The following CA12 variants were observed in gnomAD, a reference collection of about 807,000 sequenced individuals.
The protein encoded by CA12 is carbonate dehydratase XII.
CA12 carries 36 observed loss-of-function variants against 46.8 expected under a neutral mutation model. The ratio of observed to expected loss-of-function variants is 0.77; its 90% CI spans 0.59 to 1.02. The LOEUF (loss-of-function observed/expected upper bound fraction) is 1.02. Among genes scored for constraint, CA12 ranks in the 50% least tolerant of loss-of-function variants. CA12 has a pLI of 0.00. For missense variants in CA12, 436 were observed against 451.4 expected (o/e 0.97, Z 0.31); for synonymous variants, 202 against 187.0 (o/e 1.08, Z -0.65).
At chr15:63,367,259 G>A (rs1162273696) in intron 2 of CA12, among the ~76,000 whole-genome samples, 1 of 152,192 alleles carries the variant, frequency 6.6e-6, no homozygotes, top group Non-Finnish European at 1.5e-5. Flanking sequence ...TAGAAGAATA[G>A]ACATTTGCTC....
chr15:63,347,972 A>C (rs1356714833), intron 2 of CA12, among the ~76,000 whole-genome samples: 1 of 152,196 alleles, frequency 6.6e-6, no homozygotes, highest in Non-Finnish European at 1.5e-5. Context: ...TATTGGCCCC[A>C]CAGAATCCCA....
In CA12 at chr15:63,321,675, G is replaced by C. The variant is rs1208747363; in HGVS notation, c.*4610C>G. 6.6e-6 allele frequency: 1 copy of C among 152,260 alleles called. No homozygotes were observed. The highest frequency in any genetic ancestry group is 1.5e-5 in the Non-Finnish European group (1 of 68,068). The allele number at this position is 152,260 out of a possible 1,614,324, so 9.4% of individuals were successfully genotyped here. A position where few individuals can be genotyped will look rare whatever the true frequency, so the allele number is the denominator to read the frequency against. On this transcript the variant is annotated 3_prime_UTR_variant, in exon 11 of 11. Transcript: ENST00000178638. The surrounding 1 kb of genome is among the most constrained non-coding windows in gnomAD (Gnocchi z 4.5). Reference sequence around the variant, plus strand: ...CGGAAGCGAGGCTGCAACTGCTCCAGATACCCAGCAGGAAGGCCACGTGAC... The same window carrying C: ...CGGAAGCGAGGCTGCAACTGCTCCACATACCCAGCAGGAAGGCCACGTGAC...
At chr15:63,352,452 C>T (rs1009760800) in intron 2 of CA12, among the ~76,000 whole-genome samples, 1 of 152,186 alleles carries the variant, frequency 6.6e-6, no homozygotes, top group Non-Finnish European at 1.5e-5. Flanking sequence ...GAAAGAGGGG[C>T]TCACTGATGA....
At chr15:63,362,349 A>C (rs2039374043) in intron 2 of CA12, among the ~76,000 whole-genome samples, 1 of 152,226 alleles carries the variant, frequency 6.6e-6, no homozygotes, top group Admixed American at 6.5e-5. Context: ...AATATGACCA[A>C]AGTCACACTG....
At chr15:63,369,013 T>C (rs1055710531) in intron 2 of CA12, among the ~76,000 whole-genome samples, 4 of 152,176 alleles carry the variant, frequency 2.6e-5, no homozygotes, top group African/African-American at 7.2e-5. Context: ...GCCATGGTTA[T>C]GGAACCAGAT....
intron 2 of CA12, among the ~76,000 whole-genome samples, chr15:63,349,976 G>T (rs1404644299): frequency 6.6e-6 from 1 of 152,164 alleles, no homozygotes; most frequent in Non-Finnish European, 1.5e-5. Flanking sequence ...CACTTGCTCA[G>T]GTTCAAAATG....
chr15:63,321,437 T>G lies in CA12; in HGVS notation c.*4848A>C, dbSNP rs1567037282. On this transcript the variant is annotated 3_prime_UTR_variant, in exon 11 of 11. Transcript: ENST00000178638. The surrounding 1 kb of genome is among the most constrained non-coding windows in gnomAD (Gnocchi z 4.5). The stretch of plus-strand genomic sequence containing the variant: ...ATACAGCAAAGTAATCTGGCCCTTA[T>G]CTCTGCCCAGTCATTCTATAATGAA... The G allele has an allele frequency of 6.6e-6, 1 of 152,238 alleles. No individual in the cohort carries two copies. The highest frequency in any genetic ancestry group is 1.5e-5 in the Non-Finnish European group (1 of 68,044). 9.4% of individuals were successfully genotyped at this position (152,238 alleles called of 1,614,324 possible).
chr15:63,358,688 C>T (rs925115313), intron 2 of CA12, among the ~76,000 whole-genome samples: 1 of 152,188 alleles, frequency 6.6e-6, no homozygotes, highest in African/African-American at 2.4e-5. Context: ...TGACCTTGAA[C>T]TAACTCTGAG....
At chr15:63,377,364 G>C (rs762384525) in intron 1 of CA12, among the ~76,000 whole-genome samples, 5 of 152,134 alleles carry the variant, frequency 3.3e-5, no homozygotes, top group Non-Finnish European at 7.3e-5. Flanking sequence ...CCTTTCTCTC[G>C]TGGGAATTAG....
intron 2 of CA12, among the ~76,000 whole-genome samples, chr15:63,349,662 T>G (rs2039200578): frequency 6.6e-6 from 1 of 152,234 alleles, no homozygotes; most frequent in South Asian, 2.1e-4. Flanking sequence ...GCCGGAAGTT[T>G]GACTTTGGCT....
intron 1 of CA12, among the ~76,000 whole-genome samples, chr15:63,379,377 CGT>C (rs149641898): frequency 2.0e-5 from 3 of 151,810 alleles, no homozygotes; most frequent in African/African-American, 4.8e-5. Flanking sequence ...TGTATGTGTG[CGT>C]GTGTGTGTGT....
Position 63,345,623 on chromosome 15 carries a change from C to T in CA12, c.287-4G>A, listed in dbSNP as rs756422213. The T allele has an allele frequency of 2.0e-5, 33 of 1,611,126 alleles. No individual in the cohort carries two copies. The highest frequency in any genetic ancestry group is 1.0e-4 in the Admixed American group (6 of 59,954). On this transcript the variant is annotated splice_region_variant and splice_polypyrimidine_tract_variant and intron_variant, in intron 3 of 10. Transcript: ENST00000178638. The surrounding 1 kb of genome is among the most constrained non-coding windows in gnomAD (Gnocchi z 4.3). ...TCCGAGGGCAGGTTCAGCTTCACTG[C>T]GGGGAGTGGAGGAGCAGCCTTCAGA... is the stretch of plus-strand genomic sequence containing the variant.
At chr15:63,333,363 T>C (rs886541190) in intron 8 of CA12, among the ~76,000 whole-genome samples, 2 of 152,222 alleles carry the variant, frequency 1.3e-5, no homozygotes, top group Admixed American at 1.3e-4. Context: ...AAGAGCAAGA[T>C]GACACCCACC....
At chr15:63,379,003 C>T (rs2039611113) in intron 1 of CA12, 1 of 152,242 alleles carries the variant, frequency 6.6e-6, no homozygotes, top group South Asian at 2.1e-4. Context: ...CAAGGTTTTC[C>T]CTGTTGTTGG....
intron 2 of CA12, among the ~76,000 whole-genome samples, chr15:63,358,851 C>T (rs949312078): frequency 3.3e-5 from 5 of 152,184 alleles, no homozygotes; most frequent in Admixed American, 6.5e-5. Flanking sequence ...TGCTCTTCCA[C>T]GCCCATGTCC....
At position 63,355,254 on chromosome 15, in the gene CA12, C is replaced by T. The variant is rs772104246; in HGVS notation, c.107-8545G>A. 3.9e-5 allele frequency among the ~76,000 whole-genome samples: 6 copies of T among 152,174 alleles called. No individual in the cohort carries two copies. The highest frequency in any genetic ancestry group is 2.1e-4 in the South Asian group (1 of 4,832). ...ACATCTCCCTGAAACACCCTCCCCT[C>T]GCTGGGGCAGGGCAAAGGGTTTCCC... On this transcript the variant is annotated intron_variant, in intron 2 of 10. Coordinates refer to ENST00000178638, the MANE Select transcript of CA12 (RefSeq NM_001218.5). The surrounding 1 kb of genome is among the most constrained non-coding windows in gnomAD (Gnocchi z 4.1).
chr15:63,369,287 G>A (rs1211899806), intron 2 of CA12, among the ~76,000 whole-genome samples: 2 of 152,196 alleles, frequency 1.3e-5, no homozygotes, highest in African/African-American at 2.4e-5. Context: ...CAAAAATAGA[G>A]CTCTCATGCG....
In CA12 at chr15:63,338,903, C is replaced by G. The variant is rs140982958; in HGVS notation, c.790G>C (p.Asp264His). Reference protein sequence around the residue: ...ETALYCTHMDDPSPREMINNF... With the variant: ...ETALYCTHMDHPSPREMINNF... ...TTGATCATTTCTCTGGGGGAAGGGT[C>G]GTCCATGTGTGTGCAGTACAGGGCT... Residue 264 changes from aspartate to histidine, a missense_variant, in exon 8 of 11, where the codon GAC (aspartate) becomes CAC (histidine). Coordinates refer to ENST00000178638, the MANE Select transcript of CA12 (RefSeq NM_001218.5). 1.9e-6 allele frequency: 3 copies of G among 1,613,996 alleles called. No individual in the cohort carries two copies. The highest frequency in any genetic ancestry group is 2.7e-5 in the African/African-American group (2 of 74,890).
Position 63,345,520 on chromosome 15 carries a change from T to G in CA12, c.386A>C (p.His129Pro). ...TCCGCTGACGGTGTGCTCAGAGCCGTGCGGGTCATTCGGGTTCCCCCAGTG... is the reference window on the plus strand; with the variant it reads ...TCCGCTGACGGTGTGCTCAGAGCCGGGCGGGTCATTCGGGTTCCCCCAGTG... ...HLHWGNPNDP[H>P]GSEHTVSGQH... Residue 129 changes from histidine to proline, a missense_variant, in exon 4 of 11, where the codon CAC (histidine) becomes CCC (proline). His to Pro is a moderately conservative substitution (Grantham distance 77). Coordinates refer to ENST00000178638, the MANE Select transcript of CA12 (RefSeq NM_001218.5). The surrounding 1 kb of genome is among the most constrained non-coding windows in gnomAD (Gnocchi z 4.3). 1 of 1,612,336 alleles carries G rather than the reference T, an allele frequency of 6.2e-7. No individual in the cohort carries two copies.
Sources: allele counts gnomAD v4.1 joint callset (sites outside exome capture counted in the v4.1 genomes callset), GRCh38; gene constraint gnomAD v4.1.1; non-coding constraint Gnocchi (gnomAD v3.1); transcripts MANE v1.5; gene names NCBI Gene and HGNC (gene_info 2026-07-23, HGNC 2026-07-21).